The following CRTAC1 variants were observed in gnomAD, a reference collection of about 807,000 sequenced individuals.
CRTAC1 encodes acidic secreted protein in cartilage.
Under a neutral mutation model 67.8 loss-of-function variants are expected in CRTAC1, and 37 were observed. The ratio of observed to expected loss-of-function variants is 0.55; its 90% confidence interval spans 0.42 to 0.72. The LOEUF is 0.72. CRTAC1 is among the 30% of genes least tolerant of loss of function. CRTAC1 has a pLI of 0.00. For missense variants in CRTAC1, 780 were observed against 931.6 expected, an observed-to-expected ratio of 0.84 and a Z score of 2.12; for synonymous variants, 348 against 371.0, an observed-to-expected ratio of 0.94 and a Z score of 0.71.
In CRTAC1 at chr10:97,923,459, C is replaced by A. The variant is rs1199848898; in HGVS notation, c.422-59G>T. ...AGTGGATCAGGGTCTTGGTTCTGATCTCTGGGTATGTCTCATGGCACCTTT... is the reference window on the plus strand; with the variant it reads ...AGTGGATCAGGGTCTTGGTTCTGATATCTGGGTATGTCTCATGGCACCTTT... On this transcript the variant is annotated intron_variant, in intron 3 of 14. Coordinates refer to ENST00000370597, the MANE Select transcript of CRTAC1 (RefSeq NM_018058.7). 3.1e-6 allele frequency: 5 copies of A among 1,606,098 alleles called. No individual in the cohort carries two copies. In the African/African-American group the frequency reaches 4.0e-5, roughly 13 times the overall value.
At chr10:97,871,634 A>G (rs1340773495) in intron 14 of CRTAC1, 1 of 152,178 alleles carries the variant, frequency 6.6e-6, no homozygotes, top group Non-Finnish European at 1.5e-5. Flanking sequence ...TATTTTACAG[A>G]TGAGGAAACT....
intron 11 of CRTAC1, among the ~76,000 whole-genome samples, chr10:97,890,689 C>T (rs1322288167): frequency 8.9e-5 from 13 of 145,836 alleles, no homozygotes; most frequent in African/African-American, 2.3e-4. Context: ...TTTTTTGAGA[C>T]GGAGTTTCGC....
intron 2 of CRTAC1, among the ~76,000 whole-genome samples, chr10:97,985,484 C>T (rs1301612135): frequency 6.6e-6 from 1 of 152,082 alleles, no homozygotes; most frequent in Admixed American, 6.5e-5. Context: ...CAGCCAGCTT[C>T]GTTCTTCTCC....
At chr10:97,993,070 A>G (rs1302471217) in intron 2 of CRTAC1, among the ~76,000 whole-genome samples, 1 of 152,240 alleles carries the variant, frequency 6.6e-6, no homozygotes, top group African/African-American at 2.4e-5. Flanking sequence ...TTCAAACAAA[A>G]ACCAGGCTGA....
At chr10:97,915,637 AC>A (rs1207122294) in intron 5 of CRTAC1, among the ~76,000 whole-genome samples, 4 of 149,974 alleles carry the variant, frequency 2.7e-5, no homozygotes, top group Non-Finnish European at 1.5e-5. Context: ...GGGGTGGGGG[AC>A]ACTCCGGGCT....
intron 11 of CRTAC1, among the ~76,000 whole-genome samples, chr10:97,894,510 C>T (rs558990588): frequency 6.6e-6 from 1 of 151,238 alleles, no homozygotes; most frequent in Non-Finnish European, 1.5e-5. Context: ...AGCCTCCCAC[C>T]TCAGTCTCCC....
In CRTAC1 at chr10:97,908,137, G is replaced by A. The variant is rs761103998; in HGVS notation, c.726C>T (p.Gly242=). ...AGVSKYTGGR[G]VSVGPILSSS... ...TGCTGAGGATGGGGCCCACGCTGAC[G>A]CCTCGGCCCCCTAGAAAAGACATCG... is the stretch of plus-strand genomic sequence containing the variant. Residue 242 remains glycine (G), a synonymous_variant, in exon 6 of 15, where the codon GGC becomes GGT. Coordinates refer to ENST00000370597, the MANE Select transcript of CRTAC1 (RefSeq NM_018058.7). 9 of 1,613,934 alleles carry A rather than the reference G, an allele frequency of 5.6e-6. No individual in the cohort carries two copies. The highest frequency in any genetic ancestry group is 4.5e-5 in the East Asian group (2 of 44,888).
chr10:97,917,426 G>T, intron 5 of CRTAC1, 74 bp downstream of exon 5: 1 of 1,260,210 alleles, frequency 7.9e-7, no homozygotes, highest in Non-Finnish European at 1.1e-6. Context: ...TGATGAATTA[G>T]ACTCAGCCTT....
intron 2 of CRTAC1, among the ~76,000 whole-genome samples, chr10:97,957,512 T>G (rs986853689): frequency 2.0e-5 from 3 of 152,116 alleles, no homozygotes; most frequent in Non-Finnish European, 4.4e-5. Context: ...TCCATTTTAC[T>G]GATGAGAAAA....
intron 2 of CRTAC1, among the ~76,000 whole-genome samples, chr10:98,002,761 CTTTTTTTTTTTTTTTTTTTT>C (rs531021933): frequency 5.4e-4 from 20 of 37,294 alleles, no homozygotes; most frequent in South Asian, 2.8e-3. Flanking sequence ...ACAAAACTCA[CTTTTTTTTTTTTTTTTTTTT>C]TTTTTTTTTT....
intron 2 of CRTAC1, among the ~76,000 whole-genome samples, chr10:97,944,648 T>C (rs1267932053): frequency 6.6e-6 from 1 of 152,168 alleles, no homozygotes; most frequent in African/African-American, 2.4e-5. Flanking sequence ...AGTCTATTTC[T>C]CCTCCCCTTG....
At chr10:97,977,137 T>C (rs2136659375) in intron 2 of CRTAC1, among the ~76,000 whole-genome samples, 1 of 152,356 alleles carries the variant, frequency 6.6e-6, no homozygotes, top group East Asian at 1.9e-4. Context: ...CTGGAATTTA[T>C]GGATAAGTTC....
chr10:97,941,305 C>A (rs1449133597), intron 2 of CRTAC1, among the ~76,000 whole-genome samples: 1 of 152,140 alleles, frequency 6.6e-6, no homozygotes, highest in Non-Finnish European at 1.5e-5. Flanking sequence ...CCTTTCCCCA[C>A]CGTAATTCCT....
chr10:97,979,346 C>T (rs965836641), intron 2 of CRTAC1, among the ~76,000 whole-genome samples: 1 of 152,064 alleles, frequency 6.6e-6, no homozygotes, highest in Admixed American at 6.5e-5. Context: ...TGTGTGATTC[C>T]GATATACCCC....
At chr10:97,966,760 A>G (rs2051622481) in intron 2 of CRTAC1, among the ~76,000 whole-genome samples, 1 of 151,978 alleles carries the variant, frequency 6.6e-6, no homozygotes, top group South Asian at 2.1e-4. Context: ...GACAGCTTTG[A>G]GGGGTACTGG....
intron 2 of CRTAC1, among the ~76,000 whole-genome samples, chr10:97,971,164 C>T (rs1015673077): frequency 3.3e-5 from 5 of 152,072 alleles, no homozygotes; most frequent in African/African-American, 7.2e-5. Flanking sequence ...AGCAATTTCA[C>T]GATATATATT....
At chr10:97,970,414 C>G (rs1725202878) in intron 2 of CRTAC1, among the ~76,000 whole-genome samples, 1 of 152,206 alleles carries the variant, frequency 6.6e-6, no homozygotes, top group African/African-American at 2.4e-5. Flanking sequence ...TCTTCTCACT[C>G]AGAGAAAGAA....
At chr10:97,958,930 T>C (rs778465829) in intron 2 of CRTAC1, among the ~76,000 whole-genome samples, 2 of 152,184 alleles carry the variant, frequency 1.3e-5, no homozygotes, top group Non-Finnish European at 2.9e-5. Flanking sequence ...CGGTGGTTTA[T>C]TCTCATCCCA....
chr10:97,981,794 G>T (rs1267555406), intron 2 of CRTAC1, among the ~76,000 whole-genome samples: 1 of 152,162 alleles, frequency 6.6e-6, no homozygotes, highest in Non-Finnish European at 1.5e-5. Flanking sequence ...ATATTGAGTA[G>T]TATAATCTAC....
Sources: allele counts gnomAD v4.1 joint callset (sites outside exome capture counted in the v4.1 genomes callset), GRCh38; gene constraint gnomAD v4.1.1; transcripts MANE v1.5; gene names NCBI Gene and HGNC (gene_info 2026-07-23, HGNC 2026-07-21).